Variants in DIS3L2 observed in about 807,000 individuals in gnomAD.
DIS3L2 encodes the protein DIS3-like exonuclease 2.
In DIS3L2, 34 loss-of-function variants were observed where a neutral mutation model predicts 97.5. That is an observed-to-expected ratio of 0.35 (90% CI 0.27 to 0.46). DIS3L2 has a LOEUF of 0.46. DIS3L2 is among the 20% of genes least tolerant of loss of function. The pLI is 1.00. For missense variants in DIS3L2, 1,038 were observed against 1,146.0 expected (o/e 0.91, Z 1.36); for synonymous variants, 435 against 445.2 (o/e 0.98, Z 0.29).
intron 8 of DIS3L2, among the ~76,000 whole-genome samples, chr2:232,157,388 C>G (rs564321002): frequency 5.3e-5 from 8 of 152,302 alleles, no homozygotes; most frequent in South Asian, 4.1e-4. Context: ...GGCACTCCCC[C>G]CTCACAACTG....
chr2:232,202,291 G>A (rs1014823571), intron 9 of DIS3L2, among the ~76,000 whole-genome samples: 3 of 152,138 alleles, frequency 2.0e-5, no homozygotes, highest in African/African-American at 7.2e-5. Context: ...CCAGCTACTT[G>A]GGAGGCTGTG....
At chr2:232,129,807 T>C (rs1398523034) in intron 6 of DIS3L2, among the ~76,000 whole-genome samples, 1 of 152,232 alleles carries the variant, frequency 6.6e-6, no homozygotes, top group East Asian at 1.9e-4. Context: ...CCACGTAAAT[T>C]GGTTGTGACC....
Position 232,166,663 on chromosome 2 carries a change from C to T in DIS3L2, c.1124+3031C>T, listed in dbSNP as rs537085317. ...CCCGGGAGGCGGAGGTTGCAGTGAG[C>T]CAAGATCGCACCACTGCAATCCAGC... On this transcript the variant is annotated intron_variant, in intron 9 of 20. Coordinates refer to ENST00000325385, the MANE Select transcript of DIS3L2 (RefSeq NM_152383.5). 4.6e-5 allele frequency among the ~76,000 whole-genome samples: 7 copies of T among 152,164 alleles called. No homozygotes were observed. In the South Asian group the frequency reaches 1.5e-3, roughly 32 times the overall value.
At chr2:232,258,979 A>G (rs912530632) in intron 12 of DIS3L2, among the ~76,000 whole-genome samples, 6 of 152,106 alleles carry the variant, frequency 3.9e-5, no homozygotes, top group Admixed American at 6.5e-5. Flanking sequence ...TTTTTAGTAC[A>G]TGTCAGGTGT....
At chr2:232,214,643 C>T (rs1692283358) in intron 10 of DIS3L2, among the ~76,000 whole-genome samples, 1 of 152,190 alleles carries the variant, frequency 6.6e-6, no homozygotes, top group African/African-American at 2.4e-5. Context: ...TACCTGTATC[C>T]AGACTGCGCC....
In DIS3L2 at chr2:232,072,783, GGTGTGTGTGT is replaced by G. The variant is rs56884799; in HGVS notation, c.367-14677_367-14668del. Among the ~76,000 whole-genome samples the G allele has an allele frequency of 3.6e-5, 5 of 139,906 alleles. No homozygotes were observed. In the South Asian group the frequency reaches 7.3e-4, roughly 20 times the overall value. 91.8% of individuals were successfully genotyped at this position (139,906 alleles called of 152,430 possible). The stretch of plus-strand genomic sequence containing the variant: ...AGATCAGCTGACAGTTGGGATGTGG[GGTGTGTGTGT>G]GTGTGTGTGTGTGTGTGTGTGTGTG... On this transcript the variant is annotated intron_variant, in intron 5 of 20. Coordinates refer to ENST00000325385, the MANE Select transcript of DIS3L2 (RefSeq NM_152383.5).
At chr2:232,191,923 C>A (rs1691627749) in intron 9 of DIS3L2, among the ~76,000 whole-genome samples, 1 of 152,130 alleles carries the variant, frequency 6.6e-6, no homozygotes, top group African/African-American at 2.4e-5. Context: ...CTACTCTAAT[C>A]TTGAATGTCT....
At chr2:232,198,312 GAGA>G (rs1691811125) in intron 9 of DIS3L2, among the ~76,000 whole-genome samples, 1 of 152,156 alleles carries the variant, frequency 6.6e-6, no homozygotes, top group Non-Finnish European at 1.5e-5. Flanking sequence ...TATAAAATCT[GAGA>G]AGATTTTATA....
intron 13 of DIS3L2, among the ~76,000 whole-genome samples, chr2:232,291,509 G>A (rs1393788280): frequency 6.6e-6 from 1 of 152,244 alleles, no homozygotes; most frequent in African/African-American, 2.4e-5. Context: ...AGTCAACCGT[G>A]GAGAGGCTGG....
chr2:232,158,306 C>CATGTGTGTGTGTGT (rs368545845), intron 8 of DIS3L2, among the ~76,000 whole-genome samples: 21 of 150,492 alleles, frequency 1.4e-4, no homozygotes, highest in African/African-American at 3.9e-4. Flanking sequence ...TCCTTTATAT[C>CATGTGTGTGTGTGT]GTGTGTGTGT....
At chr2:232,050,244 C>T (rs1055908286) in intron 5 of DIS3L2, among the ~76,000 whole-genome samples, 5 of 152,054 alleles carry the variant, frequency 3.3e-5, no homozygotes, top group Non-Finnish European at 7.4e-5. Context: ...TTATTGATTT[C>T]TCTCTTTTCT....
intron 6 of DIS3L2, among the ~76,000 whole-genome samples, chr2:232,091,191 A>G (rs868220658): frequency 6.6e-6 from 1 of 152,248 alleles, no homozygotes; most frequent in African/African-American, 2.4e-5. Context: ...TCTTGGTATC[A>G]AATGCGTAAA....
intron 8 of DIS3L2, among the ~76,000 whole-genome samples, chr2:232,141,231 G>A (rs983488562): frequency 3.3e-5 from 5 of 151,948 alleles, no homozygotes; most frequent in East Asian, 3.9e-4. Flanking sequence ...TTCTCTTTCC[G>A]GGATGTCTTG....
intron 12 of DIS3L2, among the ~76,000 whole-genome samples, chr2:232,252,025 G>C (rs927594014): frequency 4.6e-5 from 6 of 131,156 alleles, no homozygotes; most frequent in African/African-American, 1.1e-4. Flanking sequence ...GAATCACTTA[G>C]ATCAGGGCTG....
intron 13 of DIS3L2, among the ~76,000 whole-genome samples, 199 bp downstream of exon 13, chr2:232,263,639 G>C (rs1693780988): frequency 6.6e-6 from 1 of 152,154 alleles, no homozygotes; most frequent in Non-Finnish European, 1.5e-5. Context: ...AAAATATTCT[G>C]TATTTTGTAT....
intron 14 of DIS3L2, among the ~76,000 whole-genome samples, chr2:232,326,567 G>C (rs1203356544): frequency 2.0e-5 from 3 of 152,042 alleles, no homozygotes; most frequent in African/African-American, 7.3e-5. Context: ...AAGGACATGA[G>C]GGCACCAAAC....
intron 16 of DIS3L2, chr2:232,331,739 TGG>T (rs1695743599): frequency 6.6e-6 from 1 of 152,370 alleles, no homozygotes; most frequent in Non-Finnish European, 1.5e-5. Context: ...TCTGCCCTGC[TGG>T]GGCCCCTCCC....
intron 6 of DIS3L2, among the ~76,000 whole-genome samples, chr2:232,128,309 A>G (rs1391477147): frequency 6.6e-6 from 1 of 152,064 alleles, no homozygotes; most frequent in African/African-American, 2.4e-5. Flanking sequence ...ACATTAGTCT[A>G]TAGGGCTGGG....
downstream of DIS3L2, among the ~76,000 whole-genome samples, chr2:232,338,689 G>T (rs1175599540): frequency 1.3e-5 from 2 of 148,820 alleles, no homozygotes; most frequent in African/African-American, 5.2e-5. Flanking sequence ...CAGTCACACC[G>T]AGCCCCGCGT....
Sources: allele counts gnomAD v4.1 joint callset (sites outside exome capture counted in the v4.1 genomes callset), GRCh38; gene constraint gnomAD v4.1.1; transcripts MANE v1.5; gene names NCBI Gene and HGNC (gene_info 2026-07-23, HGNC 2026-07-21).